The following HDAC9 variants were observed in gnomAD, a reference collection of about 807,000 sequenced individuals.
HDAC9 encodes the protein MEF-2 interacting transcription repressor (MITR) protein.
A neutral mutation model predicts 139.4 loss-of-function variants in HDAC9; 41 were observed. That is an observed-to-expected ratio of 0.29 (90% confidence interval 0.23 to 0.38). HDAC9 has a LOEUF of 0.38. Ranked by LOEUF, HDAC9 falls within the 10% of genes least tolerant of loss-of-function variation. The probability of loss-of-function intolerance (pLI) is 1.00; values close to 1 mark genes in which losing one functional copy is unlikely to be tolerated. For missense variants in HDAC9, 1,147 were observed against 1,297.0 expected, an observed-to-expected ratio of 0.88 and a Z score of 1.78; for synonymous variants, 517 against 476.2, an observed-to-expected ratio of 1.09 and a Z score of -1.12.
intron 1 of HDAC9, among the ~76,000 whole-genome samples, chr7:18,484,330 A>G (rs1012437882): frequency 5.9e-5 from 9 of 151,588 alleles, no homozygotes; most frequent in Non-Finnish European, 1.3e-4. Flanking sequence ...GCAAGATCCT[A>G]TTAAAAAAAA....
chr7:18,662,459 A>G (rs1793509892), intron 11 of HDAC9, among the ~76,000 whole-genome samples: 1 of 152,024 alleles, frequency 6.6e-6, no homozygotes, highest in South Asian at 2.1e-4. Flanking sequence ...GATATTGCTG[A>G]AAGAGTACTA....
chr7:18,207,793 C>A (rs952713096), intron 2 of HDAC9, among the ~76,000 whole-genome samples: 6 of 151,912 alleles, frequency 3.9e-5, no homozygotes, highest in Admixed American at 3.3e-4. Context: ...CGGCTCACCA[C>A]AACCTCCGCC....
chr7:18,332,660 T>G (rs944264669), intron 1 of HDAC9, among the ~76,000 whole-genome samples: 6 of 151,662 alleles, frequency 4.0e-5, no homozygotes, highest in Non-Finnish European at 1.5e-5. Context: ...TTTCAATTAA[T>G]GCATTTCTAA....
intron 12 of HDAC9, among the ~76,000 whole-genome samples, chr7:18,716,122 C>G (rs1263557611): frequency 6.6e-6 from 1 of 152,156 alleles, no homozygotes; most frequent in African/African-American, 2.4e-5. Flanking sequence ...TCTTTTTCCC[C>G]TCCTTCTCTT....
At chr7:18,291,608 A>G (rs562607809) in intron 1 of HDAC9, among the ~76,000 whole-genome samples, 1 of 152,034 alleles carries the variant, frequency 6.6e-6, no homozygotes, top group Non-Finnish European at 1.5e-5. Flanking sequence ...GTATCTGAGC[A>G]TATTGGGCTG....
chr7:18,749,233 T>C (rs967921087), intron 14 of HDAC9, 95 bp downstream of exon 14: 5 of 1,274,180 alleles, frequency 3.9e-6, no homozygotes, highest in Admixed American at 2.0e-5. Context: ...ATATTAACCA[T>C]ATAGTGCAAA....
intron 13 of HDAC9, among the ~76,000 whole-genome samples, chr7:18,728,641 G>T (rs562086723): frequency 2.0e-5 from 3 of 152,104 alleles, no homozygotes; most frequent in Non-Finnish European, 4.4e-5. Flanking sequence ...TTCCCCAAAG[G>T]CTCTTTTGAG....
At chr7:18,198,868 T>C (rs1204861420) in intron 2 of HDAC9, among the ~76,000 whole-genome samples, 1 of 149,910 alleles carries the variant, frequency 6.7e-6, no homozygotes, top group East Asian at 1.9e-4. Context: ...ACAACCAACA[T>C]TTTTTTTTTA....
chr7:18,174,107 T>G (rs903543306), intron 2 of HDAC9, among the ~76,000 whole-genome samples: 2 of 152,254 alleles, frequency 1.3e-5, no homozygotes, highest in African/African-American at 4.8e-5. Context: ...ATTTGGTCTT[T>G]TCGCATAGTC....
intron 1 of HDAC9, among the ~76,000 whole-genome samples, chr7:18,091,552 A>T (rs1168998440): frequency 1.3e-5 from 2 of 152,228 alleles, no homozygotes; most frequent in African/African-American, 4.8e-5. Flanking sequence ...ATAAGCATCA[A>T]ATAAATTTAT....
chr7:18,789,286 G>GCACACACACA (rs34385627), intron 16 of HDAC9, among the ~76,000 whole-genome samples: 2 of 148,396 alleles, frequency 1.3e-5, no homozygotes, highest in African/African-American at 5.0e-5. Context: ...ACACATACAC[G>GCACACACACA]CACACACACA....
chr7:18,732,925 GTGTGTATGTATGTGTATACACACGTGTA>G (rs1562893655), intron 13 of HDAC9, among the ~76,000 whole-genome samples: 2 of 100,124 alleles, frequency 2.0e-5, no homozygotes, highest in Non-Finnish European at 3.6e-5. Context: ...GTATACACAC[GTGTGTATGTATGTGTATACACACGTGTA>G]TGTGTGTGTA....
At chr7:18,801,584 G>A (rs758763215) in intron 17 of HDAC9, among the ~76,000 whole-genome samples, 11 of 151,898 alleles carry the variant, frequency 7.2e-5, no homozygotes, top group Non-Finnish European at 1.5e-4. Flanking sequence ...GTGCATCAGG[G>A]CTTCATAAAG....
intron 12 of HDAC9, among the ~76,000 whole-genome samples, chr7:18,709,974 C>T (rs1784226744): frequency 2.6e-5 from 4 of 152,106 alleles, no homozygotes; most frequent in Admixed American, 2.0e-4. Context: ...AAAGACATAC[C>T]CGAGACTGGG....
At chr7:18,418,035 C>T (rs1181097272) in intron 1 of HDAC9, among the ~76,000 whole-genome samples, 2 of 152,286 alleles carry the variant, frequency 1.3e-5, no homozygotes, top group East Asian at 3.9e-4. Flanking sequence ...TAGAAATGCT[C>T]TCTTGGCAAC....
At chr7:18,618,417 T>G (rs190844048) in intron 6 of HDAC9, among the ~76,000 whole-genome samples, 2 of 152,182 alleles carry the variant, frequency 1.3e-5, no homozygotes, top group East Asian at 3.9e-4. Flanking sequence ...TTTAGGTTTA[T>G]GATGATACCC....
At chr7:18,168,441 C>T (rs374484747) in intron 2 of HDAC9, among the ~76,000 whole-genome samples, 1 of 152,196 alleles carries the variant, frequency 6.6e-6, no homozygotes, top group Admixed American at 6.5e-5. Context: ...TAAGCAAAAT[C>T]TTGCTACCTC....
upstream of HDAC9, among the ~76,000 whole-genome samples, chr7:18,288,452 C>T (rs777196718): frequency 6.6e-6 from 1 of 152,126 alleles, no homozygotes; most frequent in Admixed American, 6.5e-5. Context: ...CCACTCAACC[C>T]TCCAGTCTTT....
intron 24 of HDAC9, among the ~76,000 whole-genome samples, chr7:18,968,621 G>A (rs1036157197): frequency 6.6e-6 from 1 of 152,074 alleles, no homozygotes; most frequent in Non-Finnish European, 1.5e-5. Flanking sequence ...CCCAAATAGG[G>A]TCCAGTGGTA....
Sources: gnomAD v4.1 joint callset for allele counts (sites outside exome capture counted in the v4.1 genomes callset) on GRCh38, gnomAD v4.1.1 for gene constraint, MANE v1.5 for transcripts, NCBI Gene and HGNC (gene_info 2026-07-23, HGNC 2026-07-21) for gene names.